The following EIF4H variants were observed in gnomAD, a reference collection of about 807,000 sequenced individuals.
EIF4H encodes eukaryotic translation initiation factor 4H.
A neutral mutation model predicts 30.6 loss-of-function variants in EIF4H; 8 were observed. That is an observed-to-expected ratio of 0.26 (90% CI 0.15 to 0.47). EIF4H has a LOEUF of 0.47. Ranked by LOEUF, EIF4H falls within the 20% of genes least tolerant of loss-of-function variation. The pLI, the probability that EIF4H is intolerant of heterozygous loss-of-function variation, is 0.99. For synonymous variants in EIF4H, 106 were observed against 122.7 expected (o/e 0.86, Z 0.90); for missense variants, 188 against 339.5 (o/e 0.55, Z 3.51).
intron 5 of EIF4H, among the ~76,000 whole-genome samples, chr7:74,190,629 A>G (rs1801185448): frequency 6.6e-6 from 1 of 152,242 alleles, no homozygotes; most frequent in Admixed American, 6.5e-5. Context: ...GTATGGCACC[A>G]AGAGAAGTAC....
intron 1 of EIF4H, among the ~76,000 whole-genome samples, chr7:74,180,055 G>T (rs1273905836): frequency 2.6e-5 from 4 of 152,068 alleles, no homozygotes; most frequent in African/African-American, 9.7e-5. Flanking sequence ...AAAATTAGCT[G>T]GTGTGGTGGT....
At chr7:74,180,626 GA>G (rs1440038266) in intron 1 of EIF4H, among the ~76,000 whole-genome samples, 6 of 152,300 alleles carry the variant, frequency 3.9e-5, no homozygotes, top group Admixed American at 6.5e-5. Flanking sequence ...ACCATTCTGG[GA>G]ACCATATTTT....
chr7:74,186,961 C>T (rs17146087), intron 1 of EIF4H, among the ~76,000 whole-genome samples: 3,819 of 151,774 alleles, frequency 0.025, 172 homozygotes, highest in African/African-American at 0.086. Flanking sequence ...ATGTGTTAAA[C>T]GTAAACAACT....
intron 1 of EIF4H, among the ~76,000 whole-genome samples, chr7:74,187,356 G>A (rs910614542): frequency 4.6e-5 from 7 of 152,140 alleles, no homozygotes; most frequent in Admixed American, 3.3e-4. Context: ...TCTTGAACCC[G>A]GGAAGCAGAG....
At position 74,185,153 on chromosome 7, in the gene EIF4H, G is replaced by A. The variant is rs144480332; in HGVS notation, c.60-2458G>A. Among the ~76,000 whole-genome samples, 177 of 151,446 alleles carry A rather than the reference G, an allele frequency of 1.2e-3. 1 individual carries two copies. Among genetic ancestry groups the A allele is most frequent in the African/African-American group, 4.1e-3 (171 of 41,260 alleles). On this transcript the variant is annotated intron_variant, in intron 1 of 6. Coordinates refer to ENST00000265753, the MANE Select transcript of EIF4H (RefSeq NM_022170.2). Reference sequence around the variant, plus strand: ...ACTACAAGTGTGGACCATCACTCCCGGCTAATTTTTTGTATTTTTTATAGA... The same window carrying A: ...ACTACAAGTGTGGACCATCACTCCCAGCTAATTTTTTGTATTTTTTATAGA...
Position 74,190,206 on chromosome 7 carries a change from A to T in EIF4H, c.410-41A>T, listed in dbSNP as rs1480448795. On this transcript the variant is annotated intron_variant, in intron 4 of 6. Transcript: ENST00000265753. ...TTTTTCCATGTTTGCGCAGCAAGGT[A>T]ATGACACGACCTCAACTTTATCTTT... The T allele has an allele frequency of 7.5e-6, 12 of 1,591,916 alleles. No individual in the cohort carries two copies. The East Asian group carries it at 2.7e-4, about 36-fold the overall frequency.
At chr7:74,177,693 G>A (rs906694720) in intron 1 of EIF4H, among the ~76,000 whole-genome samples, 4 of 152,152 alleles carry the variant, frequency 2.6e-5, no homozygotes, top group Admixed American at 6.5e-5. Flanking sequence ...ATGTCAAGTC[G>A]TTTAGGTTTG....
intron 1 of EIF4H, among the ~76,000 whole-genome samples, chr7:74,176,648 G>A (rs782148918): frequency 9.9e-5 from 15 of 152,174 alleles, no homozygotes; most frequent in Non-Finnish European, 2.2e-4. Flanking sequence ...ACATAGTTTG[G>A]TAGTTATACA....
intron 1 of EIF4H, among the ~76,000 whole-genome samples, chr7:74,184,102 AGTTAGCT>A (rs1323943367): frequency 6.6e-6 from 1 of 152,188 alleles, no homozygotes; most frequent in Admixed American, 6.5e-5. Flanking sequence ...TTATATCACC[AGTTAGCT>A]GTTAGGTGCT....
At chr7:74,194,564 T>TA (rs1554710420) in intron 5 of EIF4H, among the ~76,000 whole-genome samples, 177 bp from the exon 6 acceptor site, 1 of 152,234 alleles carries the variant, frequency 6.6e-6, no homozygotes, top group African/African-American at 2.4e-5. Flanking sequence ...GCGCTGTCAT[T>TA]ACTCCACACA....
In EIF4H at chr7:74,183,347, C is replaced by T. The variant is rs191213180; in HGVS notation, c.60-4264C>T. On this transcript the variant is annotated intron_variant, in intron 1 of 6. Transcript: ENST00000265753. Reference sequence around the variant, plus strand: ...TCTGCTGATCTGTTCCTGTTCTACACGCACTCCTGCCAGCCCAGTGTAGCC... The same window carrying T: ...TCTGCTGATCTGTTCCTGTTCTACATGCACTCCTGCCAGCCCAGTGTAGCC... Among the ~76,000 whole-genome samples the T allele has an allele frequency of 2.9e-3, 438 of 152,278 alleles. 1 individual carries two copies. The highest frequency in any genetic ancestry group is 9.4e-3 in the African/African-American group (389 of 41,550).
rs184450271 is a variant in EIF4H at position 74,186,904 on chromosome 7, C to T, written c.60-707C>T. ...TGCGATCTTGGCTCACTGCAGCCTC[C>T]GCTTCCCAGGTTCAAGCGGTAGGAG... On this transcript the variant is annotated intron_variant, in intron 1 of 6. Coordinates refer to ENST00000265753, the MANE Select transcript of EIF4H (RefSeq NM_022170.2). Among the ~76,000 whole-genome samples the T allele has an allele frequency of 9.8e-4, 138 of 140,612 alleles. 1 individual carries two copies. The highest frequency in any genetic ancestry group is 3.3e-3 in the African/African-American group (126 of 37,826). The allele number at this position is 140,612 out of a possible 152,430, so 92.2% of individuals were successfully genotyped here.
chr7:74,182,039 T>C (rs1296028629), intron 1 of EIF4H, among the ~76,000 whole-genome samples: 7 of 152,176 alleles, frequency 4.6e-5, no homozygotes, highest in Non-Finnish European at 8.8e-5. Flanking sequence ...CATACTTGAG[T>C]ATGTTTCTAA....
At chr7:74,195,134 C>A (rs782523823) in intron 6 of EIF4H, 35 bp from the exon 7 acceptor site, 4 of 1,610,568 alleles carry the variant, frequency 2.5e-6, no homozygotes, top group Non-Finnish European at 3.4e-6. Flanking sequence ...GGAATGGGAT[C>A]CACACTCTGA....
At position 74,174,542 on chromosome 7, in the gene EIF4H, GGCGGGGGCCC is replaced by G. The variant is rs1439772884; in HGVS notation, c.59+105_59+114del. On this transcript the variant is annotated intron_variant, in intron 1 of 6. Transcript: ENST00000265753. ...CCTGCGCTCAGCCGGGGCGGCGGGA[GGCGGGGGCCC>G]GCGGAGGCCTAGGAGCGGCGCCTGG... 3.3e-4 allele frequency: 373 copies of G among 1,120,404 alleles called. 4 individuals carry two copies. Among genetic ancestry groups the G allele is most frequent in the East Asian group, 4.0e-5 (1 of 25,004 alleles). 69.4% of individuals were successfully genotyped at this position (1,120,404 alleles called of 1,614,324 possible). A position where few individuals can be genotyped will look rare whatever the true frequency, so the allele number is the denominator to read the frequency against.
rs1801320684 is a variant in EIF4H at position 74,195,369 on chromosome 7, C to G, written c.*61C>G. 2 of 1,482,576 alleles carry G rather than the reference C, an allele frequency of 1.3e-6. No individual in the cohort carries two copies. Among genetic ancestry groups the G allele is most frequent in the Non-Finnish European group, 1.8e-6 (2 of 1,112,500 alleles). 91.8% of individuals were successfully genotyped at this position (1,482,576 alleles called of 1,614,324 possible). ...AGAGCAGGACCACAGCCTGGTGAGTCCCCGGGCAGCCGTCCTGCAGCCGCC... is the reference window on the plus strand; with the variant it reads ...AGAGCAGGACCACAGCCTGGTGAGTGCCCGGGCAGCCGTCCTGCAGCCGCC... On this transcript the variant is annotated 3_prime_UTR_variant, in exon 7 of 7. Coordinates refer to ENST00000265753, the MANE Select transcript of EIF4H (RefSeq NM_022170.2).
chr7:74,189,267 A>T (rs1801153268), intron 2 of EIF4H, among the ~76,000 whole-genome samples: 2 of 152,344 alleles, frequency 1.3e-5, no homozygotes, highest in South Asian at 4.1e-4. Flanking sequence ...GTAGTAAGTT[A>T]AATCGGCACT....
chr7:74,180,835 A>G (rs1327982930), intron 1 of EIF4H, among the ~76,000 whole-genome samples: 2 of 152,266 alleles, frequency 1.3e-5, no homozygotes, highest in African/African-American at 4.8e-5. Flanking sequence ...AGGCCAGAAT[A>G]GGACCAAAGG....
intron 1 of EIF4H, among the ~76,000 whole-genome samples, chr7:74,184,351 A>G (rs1801035875): frequency 6.6e-6 from 1 of 151,884 alleles, no homozygotes; most frequent in Non-Finnish European, 1.5e-5. Context: ...AAGCCTTCGC[A>G]CCTCCATTTT....
Sources: gnomAD v4.1 joint callset for allele counts (sites outside exome capture counted in the v4.1 genomes callset) on GRCh38, gnomAD v4.1.1 for gene constraint, MANE v1.5 for transcripts, NCBI Gene and HGNC (gene_info 2026-07-23, HGNC 2026-07-21) for gene names.